Variants in TOP1MT observed in about 807,000 individuals in gnomAD.
TOP1MT encodes DNA topoisomerase I mitochondrial.
Under a neutral mutation model 73.9 loss-of-function variants are expected in TOP1MT, and 80 were observed. That is an observed-to-expected ratio of 1.08 (90% CI 0.90 to 1.30). The LOEUF is 1.30. Ranked by LOEUF, TOP1MT falls within the 50% of genes most tolerant of loss-of-function variation. TOP1MT has a pLI of 0.00. For missense variants in TOP1MT, 815 were observed against 808.0 expected (o/e 1.01, Z -0.10); for synonymous variants, 338 against 326.4 (o/e 1.04, Z -0.38).
Position 143,324,148 on chromosome 8 carries a change from C to G in TOP1MT, c.817-6G>C. ...TTCTGCCAAGCTGTCTCCCCCTAAA[C>G]GAAGAAAATAACAGGAAAGAAAACA... On this transcript the variant is annotated splice_region_variant and splice_polypyrimidine_tract_variant and intron_variant, in intron 6 of 13. Transcript: ENST00000329245. 1.2e-6 allele frequency: 2 copies of G among 1,612,872 alleles called. No individual in the cohort carries two copies. Among genetic ancestry groups the G allele is most frequent in the South Asian group, 1.1e-5 (1 of 91,012 alleles).
At position 143,309,376 on chromosome 8, in the gene TOP1MT, C is replaced by T; in HGVS notation, c.*65G>A. 1.3e-6 allele frequency: 2 copies of T among 1,535,616 alleles called. No homozygotes were observed. Among genetic ancestry groups the T allele is most frequent in the African/African-American group, 1.4e-5 (1 of 73,480 alleles). Reference sequence around the variant, plus strand: ...ACACATTTTATTGTACAAAATTCCCCAGTACTGCTTTAATAGTGAAAAAAA... The same window carrying T: ...ACACATTTTATTGTACAAAATTCCCTAGTACTGCTTTAATAGTGAAAAAAA... On this transcript the variant is annotated 3_prime_UTR_variant, in exon 14 of 14. Coordinates refer to ENST00000329245, the MANE Select transcript of TOP1MT (RefSeq NM_052963.3).
chr8:143,316,182 C>G, intron 10 of TOP1MT, 56 bp from the exon 11 acceptor site: 2 of 1,611,880 alleles, frequency 1.2e-6, no homozygotes, highest in Admixed American at 3.3e-5. Flanking sequence ...CCCTCCCTGT[C>G]TGCCCTGAGC....
intron 7 of TOP1MT, among the ~76,000 whole-genome samples, chr8:143,322,715 C>CAA (rs1563759970): frequency 2.6e-5 from 1 of 37,924 alleles, no homozygotes; most frequent in Non-Finnish European, 4.4e-5. Context: ...CACACGCACG[C>CAA]CACACACAGG....
rs771540041 is a variant in TOP1MT at position 143,321,234 on chromosome 8, G to C, written c.1113C>G (p.Ile371Met). ...CCACCGGCACTCTGTTGTAGTAGCGGATGCAGTCCTTCCCCAGGAAGTCAA... is the reference window on the plus strand; with the variant it reads ...CCACCGGCACTCTGTTGTAGTAGCGCATGCAGTCCTTCCCCAGGAAGTCAA... ...VEFDFLGKDC[I>M]RYYNRVPVEK... The change falls in exon 8 of 14, where the codon ATC becomes ATG. Residue 371 changes from isoleucine to methionine, a missense_variant. Ile to Met is a conservative substitution (Grantham distance 10). This residue lies in a region of TOP1MT where 751 missense variants were observed against 725.4 expected (regional missense o/e 1.04). Coordinates refer to ENST00000329245, the MANE Select transcript of TOP1MT (RefSeq NM_052963.3). 6.2e-7 allele frequency: 1 copy of C among 1,611,192 alleles called. No individual in the cohort carries two copies. Among genetic ancestry groups the C allele is most frequent in the East Asian group, 2.2e-5 (1 of 44,818 alleles).
At chr8:143,318,203 C>A in intron 8 of TOP1MT, 117 bp from the exon 9 acceptor site, 2 of 834,114 alleles carry the variant, frequency 2.4e-6, no homozygotes, top group South Asian at 1.5e-5. Context: ...GAAGGTGGCC[C>A]GAGCAGCATC....
At chr8:143,317,058 C>T (rs577372606) in intron 10 of TOP1MT, among the ~76,000 whole-genome samples, 20 of 152,356 alleles carry the variant, frequency 1.3e-4, no homozygotes, top group African/African-American at 4.8e-4. Context: ...AAACACATGC[C>T]GAGCGTCAGC....
At chr8:143,354,979 C>T (rs538170093) in intron 1 of TOP1MT, among the ~76,000 whole-genome samples, 2 of 152,322 alleles carry the variant, frequency 1.3e-5, no homozygotes, top group South Asian at 2.1e-4. Context: ...CAACATTTAA[C>T]GCTTGGGATA....
At chr8:143,321,137 G>T in intron 8 of TOP1MT, 64 bp downstream of exon 8, 1 of 1,469,824 alleles carries the variant, frequency 6.8e-7, no homozygotes, top group Non-Finnish European at 9.1e-7. Flanking sequence ...GCTCCGGCAC[G>T]CCCCCAGACA....
rs1233848140 is a variant in TOP1MT at position 143,317,592 on chromosome 8, A to G, written c.1330+131T>C. The G allele has an allele frequency of 6.4e-6, 5 of 786,548 alleles. No individual in the cohort carries two copies. In the African/African-American group the frequency reaches 8.7e-5, roughly 14 times the overall value. The allele number at this position is 786,548 out of a possible 1,614,324, so 48.7% of individuals were successfully genotyped here. On this transcript the variant is annotated intron_variant, in intron 10 of 13. Coordinates refer to ENST00000329245, the MANE Select transcript of TOP1MT (RefSeq NM_052963.3). ...ACCTAGGCTGCCAAGCAGCCAGCCCACAACCTCAGCCCATTTCCCAAAGAA... is the reference window on the plus strand; with the variant it reads ...ACCTAGGCTGCCAAGCAGCCAGCCCGCAACCTCAGCCCATTTCCCAAAGAA...
At chr8:143,322,485 CCA>C (rs1816476750) in intron 7 of TOP1MT, among the ~76,000 whole-genome samples, 1 of 97,114 alleles carries the variant, frequency 1.0e-5, no homozygotes, top group Admixed American at 1.2e-4. Context: ...CACAGGCACG[CCA>C]CACGCACGCC....
chr8:143,328,602 C>A (rs183679315), intron 3 of TOP1MT, among the ~76,000 whole-genome samples: 3 of 152,370 alleles, frequency 2.0e-5, no homozygotes, highest in African/African-American at 7.2e-5. Flanking sequence ...AATTTCACCC[C>A]AAGTCCTGTC....
chr8:143,328,064 GT>G (rs2130268566), intron 3 of TOP1MT: 1 of 355,096 alleles, frequency 2.8e-6, no homozygotes, highest in Non-Finnish European at 5.5e-6. Flanking sequence ...GACCTCATCA[GT>G]ATTCCAAACT....
chr8:143,325,361 A>G lies in TOP1MT; in HGVS notation c.656T>C (p.Val219Ala). ...LKRRITPEDV[V>A]INCSRDSKIP... ...GGCCACGCACCTGCTGCAGTTGATA[A>G]CCACATCCTCTGGCGTGATCCTTCT... Residue 219 changes from valine to alanine, a missense_variant, in exon 5 of 14, where the codon GTT becomes GCT. Around this residue, in one of 3 missense-constraint regions of TOP1MT, gnomAD observed 751 missense variants for 725.4 expected, o/e 1.04. Transcript: ENST00000329245. 3 of 1,593,188 alleles carry G rather than the reference A, an allele frequency of 1.9e-6. No homozygotes were observed. The highest frequency in any genetic ancestry group is 1.7e-4 in the Middle Eastern group (1 of 6,006).
intron 7 of TOP1MT, among the ~76,000 whole-genome samples, chr8:143,322,548 ACACG>A (rs1327506273): frequency 9.8e-6 from 1 of 102,284 alleles, no homozygotes; most frequent in Non-Finnish European, 2.0e-5. Context: ...CACGCCACAC[ACACG>A]CACGCCACAC....
intron 3 of TOP1MT, chr8:143,328,425 G>A (rs964445057): frequency 1.6e-5 from 6 of 386,008 alleles, no homozygotes; most frequent in East Asian, 7.2e-5. Context: ...GAAATGACAC[G>A]TCAGTACACC....
At chr8:143,347,545 G>A (rs192866442), upstream of TOP1MT, among the ~76,000 whole-genome samples, 5 of 152,260 alleles carry the variant, frequency 3.3e-5, no homozygotes, top group Admixed American at 1.3e-4. Context: ...CACCTGCCTC[G>A]GCCTCCCAAA....
At chr8:143,331,146 C>G (rs28580115) in intron 2 of TOP1MT, 78 bp downstream of exon 2, 1 of 1,155,282 alleles carries the variant, frequency 8.7e-7, no homozygotes, top group East Asian at 2.4e-5. Flanking sequence ...GCTGAGGGAG[C>G]GAGCCAGATG....
chr8:143,325,654 C>G, intron 4 of TOP1MT, 121 bp from the exon 5 acceptor site: 1 of 921,172 alleles, frequency 1.1e-6, no homozygotes, highest in Non-Finnish European at 1.6e-6. Flanking sequence ...ACCCTCAAAG[C>G]CCTTCACAAT....
chr8:143,337,399 C>T (rs374866357), upstream of TOP1MT, among the ~76,000 whole-genome samples: 1 of 150,814 alleles, frequency 6.6e-6, no homozygotes, highest in Non-Finnish European at 1.5e-5. Flanking sequence ...AGCAAGACTC[C>T]GTCTCAAAAA....
Sources: gnomAD v4.1 joint callset for allele counts (sites outside exome capture counted in the v4.1 genomes callset) on GRCh38, gnomAD v4.1.1 for gene constraint, gnomAD v4.1.1 regional missense constraint, MANE v1.5 for transcripts, NCBI Gene and HGNC (gene_info 2026-07-23, HGNC 2026-07-21) for gene names.